Variants in ACER3 observed in about 807,000 individuals in gnomAD.
ACER3 encodes the protein alkCDase 3.
ACER3 carries 16 observed loss-of-function variants against 48.9 expected under a neutral mutation model. The observed-to-expected ratio is 0.33, with a 90% CI of 0.22 to 0.50. The LOEUF (loss-of-function observed/expected upper bound fraction) is 0.50, where lower values mean the gene tolerates loss of function less well. ACER3 is among the 20% of genes least tolerant of loss of function. The pLI is 0.98. For missense variants in ACER3, 227 were observed against 326.0 expected, an observed-to-expected ratio of 0.70 and a Z score of 2.34; for synonymous variants, 109 against 107.8, an observed-to-expected ratio of 1.01 and a Z score of -0.07.
rs779981794 is a variant in ACER3, at chr11:76,875,898, G to C, written c.103+14819G>C. 2.5e-3 allele frequency among the ~76,000 whole-genome samples: 386 copies of C among 151,702 alleles called. 1 individual carries two copies. The highest frequency in any genetic ancestry group is 2.9e-3 in the Non-Finnish European group (194 of 67,896). ...TTATAGGAGAGCACCACCACACCCG[G>C]CTAATTTTTGTATTATTAGTAGAGA... is the stretch of plus-strand genomic sequence containing the variant. On this transcript the variant is annotated intron_variant, in intron 1 of 10. Coordinates refer to ENST00000532485, the MANE Select transcript of ACER3 (RefSeq NM_018367.7).
At chr11:76,974,844 A>G (rs2135144931) in intron 3 of ACER3, among the ~76,000 whole-genome samples, 1 of 152,184 alleles carries the variant, frequency 6.6e-6, no homozygotes, top group East Asian at 1.9e-4. Context: ...CATATCCACA[A>G]TACTCCCAAC....
intron 1 of ACER3, among the ~76,000 whole-genome samples, chr11:76,897,901 C>T (rs1945976113): frequency 6.6e-6 from 1 of 152,144 alleles, no homozygotes; most frequent in Non-Finnish European, 1.5e-5. Flanking sequence ...CAACATTATA[C>T]TTTGGGATAT....
intron 3 of ACER3, among the ~76,000 whole-genome samples, chr11:76,962,237 G>A (rs1271737343): frequency 1.2e-5 from 1 of 81,056 alleles, no homozygotes; most frequent in Admixed American, 1.4e-4. Flanking sequence ...TTTTTTTTGA[G>A]ATGGAGTCTC....
At chr11:76,948,530 C>A (rs1426222695) in intron 2 of ACER3, among the ~76,000 whole-genome samples, 2 of 152,150 alleles carry the variant, frequency 1.3e-5, no homozygotes, top group Non-Finnish European at 2.9e-5. Context: ...TGGAAAGCTA[C>A]AGCCATGCAT....
intron 7 of ACER3, among the ~76,000 whole-genome samples, chr11:77,003,965 ACCAAGGATATTTATG>A (rs782726567): frequency 6.6e-5 from 10 of 152,320 alleles, no homozygotes; most frequent in Non-Finnish European, 1.3e-4. Flanking sequence ...ATCAGGTTAT[ACCAAGGATATTTATG>A]CCAAGGATAT....
intron 6 of ACER3, chr11:76,998,423 A>AAGCTAAAGAGAAGAGGGG: frequency 4.7e-6 from 1 of 213,528 alleles, no homozygotes; most frequent in Non-Finnish European, 9.2e-6. Flanking sequence ...GCTGAAAGCA[A>AAGCTAAAGAGAAGAGGGG]AGCTAAAGAG....
At chr11:76,998,123 A>G (rs961711169) in intron 6 of ACER3, among the ~76,000 whole-genome samples, 2 of 152,164 alleles carry the variant, frequency 1.3e-5, no homozygotes, top group African/African-American at 4.8e-5. Context: ...CTTTATATGT[A>G]TTTGCTAACT....
intron 1 of ACER3, among the ~76,000 whole-genome samples, chr11:76,877,799 T>TA (rs1945423924): frequency 6.6e-6 from 1 of 152,150 alleles, no homozygotes; most frequent in Non-Finnish European, 1.5e-5. Context: ...ATAACCAGTA[T>TA]ACTTAATTTA....
At chr11:76,967,249 C>A (rs1948163280) in intron 3 of ACER3, among the ~76,000 whole-genome samples, 1 of 152,020 alleles carries the variant, frequency 6.6e-6, no homozygotes, top group Admixed American at 6.6e-5. Flanking sequence ...CCTCCCAAGA[C>A]TAAACCAGGA....
At chr11:76,974,828 CACCT>C (rs1948400437) in intron 3 of ACER3, among the ~76,000 whole-genome samples, 1 of 152,032 alleles carries the variant, frequency 6.6e-6, no homozygotes, top group East Asian at 1.9e-4. Flanking sequence ...AAAAAAAACT[CACCT>C]ACATATCCAC....
chr11:76,910,788 A>G (rs1946359277), intron 1 of ACER3, among the ~76,000 whole-genome samples: 1 of 152,198 alleles, frequency 6.6e-6, no homozygotes, highest in South Asian at 2.1e-4. Context: ...TGTACTGCTA[A>G]TAGGATTATA....
chr11:77,001,070 C>A (rs1173385391), intron 7 of ACER3, among the ~76,000 whole-genome samples: 1 of 152,046 alleles, frequency 6.6e-6, no homozygotes, highest in African/African-American at 2.4e-5. Context: ...TTATTTAGAT[C>A]TTTAATTTAT....
intron 2 of ACER3, among the ~76,000 whole-genome samples, chr11:76,935,156 G>T (rs1490834488): frequency 1.3e-5 from 2 of 151,896 alleles, no homozygotes; most frequent in African/African-American, 4.8e-5. Context: ...TTTAATAGGG[G>T]CTGTTGTAGA....
chr11:76,918,326 T>C (rs1246945992), intron 1 of ACER3, among the ~76,000 whole-genome samples: 1 of 152,068 alleles, frequency 6.6e-6, no homozygotes, highest in Admixed American at 6.6e-5. Context: ...TACTGTAATA[T>C]GCATTTATAT....
intron 3 of ACER3, among the ~76,000 whole-genome samples, chr11:76,967,371 C>T (rs942803926): frequency 2.6e-5 from 4 of 152,160 alleles, no homozygotes; most frequent in Admixed American, 6.6e-5. Context: ...CCGAATTCTA[C>T]CAGAGGTACA....
intron 1 of ACER3, among the ~76,000 whole-genome samples, chr11:76,903,657 A>G (rs958784330): frequency 1.2e-4 from 19 of 152,280 alleles, no homozygotes; most frequent in African/African-American, 4.1e-4. Flanking sequence ...TTCTTTTTGC[A>G]ATAAGATACC....
intron 1 of ACER3, among the ~76,000 whole-genome samples, chr11:76,882,003 CTTTTTT>C (rs33962456): frequency 2.7e-5 from 3 of 110,058 alleles, no homozygotes; most frequent in East Asian, 2.6e-4. Flanking sequence ...TGTAAAAAAT[CTTTTTT>C]TTTTTTTTTT....
intron 1 of ACER3, among the ~76,000 whole-genome samples, chr11:76,920,618 C>A (rs895626310): frequency 6.3e-4 from 92 of 147,026 alleles, no homozygotes; most frequent in Non-Finnish European, 1.0e-3. Flanking sequence ...TTTATCTTTT[C>A]TGATTGAACT....
intron 6 of ACER3, 166 bp from the exon 7 acceptor site, chr11:76,998,597 G>A (rs1405667629): frequency 1.1e-5 from 6 of 537,178 alleles, no homozygotes; most frequent in Non-Finnish European, 1.9e-5. Flanking sequence ...TCAGAAGTTA[G>A]CATGATTTAG....
Sources: allele counts gnomAD v4.1 joint callset (sites outside exome capture counted in the v4.1 genomes callset), GRCh38; gene constraint gnomAD v4.1.1; transcripts MANE v1.5; gene names NCBI Gene and HGNC (gene_info 2026-07-23, HGNC 2026-07-21).